Variants in CAST observed in about 807,000 individuals in gnomAD.
CAST encodes the protein calpastatin.
CAST carries 76 observed loss-of-function variants against 119.6 expected under a neutral mutation model. That is an observed-to-expected ratio of 0.64 (90% CI 0.53 to 0.77). The LOEUF (loss-of-function observed/expected upper bound fraction) is 0.77, where lower values mean the gene tolerates loss of function less well. Among genes scored for constraint, CAST ranks in the 30% least tolerant of loss-of-function variants. The pLI is 0.00. For missense variants in CAST, 953 were observed against 946.5 expected, an observed-to-expected ratio of 1.01 and a Z score of -0.09; for synonymous variants, 319 against 331.6, an observed-to-expected ratio of 0.96 and a Z score of 0.41.
chr5:96,458,664 G>C, the CAST span, among the ~76,000 whole-genome samples: 1 of 152,140 alleles, frequency 6.6e-6, no homozygotes, highest in East Asian at 1.9e-4. Flanking sequence ...CCAGGGTCCA[G>C]TTTTCTCCAT....
At chr5:96,587,895 G>A (rs186313248) in intron 1 of CAST, among the ~76,000 whole-genome samples, 1 of 152,064 alleles carries the variant, frequency 6.6e-6, no homozygotes, top group East Asian at 1.9e-4. Context: ...ATTAACTGTG[G>A]TCTTTCTTAA....
At chr5:96,005,369 C>A in the CAST span, among the ~76,000 whole-genome samples, 7 of 152,080 alleles carry the variant, frequency 4.6e-5, no homozygotes, top group Non-Finnish European at 1.5e-5. Context: ...TGGATGGATT[C>A]TCTGGTAACA....
intron 24 of CAST, chr5:96,761,416 A>G (rs772893931): frequency 6.6e-6 from 1 of 152,182 alleles, no homozygotes. Context: ...AATGGACAAT[A>G]AGTATCTTAT....
At chr5:96,292,417 C>T in the CAST span, among the ~76,000 whole-genome samples, 14 of 152,134 alleles carry the variant, frequency 9.2e-5, no homozygotes, top group African/African-American at 2.4e-4. Context: ...TAGTTCTCAA[C>T]GTTATCTGTT....
chr5:96,367,912 C>T, the CAST span, among the ~76,000 whole-genome samples: 5 of 152,042 alleles, frequency 3.3e-5, no homozygotes, highest in Non-Finnish European at 5.9e-5. Context: ...TCTTCTGCAT[C>T]GCTCATGCTG....
At chr5:96,741,183 A>G in intron 13 of CAST, 83 bp from the exon 14 acceptor site, 1 of 766,074 alleles carries the variant, frequency 1.3e-6, no homozygotes, top group South Asian at 1.5e-5. Flanking sequence ...GGAAAAGTGC[A>G]TTCTTCATTT....
At chr5:96,136,815 A>C in the CAST span, among the ~76,000 whole-genome samples, 1 of 152,152 alleles carries the variant, frequency 6.6e-6, no homozygotes, top group African/African-American at 2.4e-5. Context: ...TATATATATG[A>C]TATCAGAATT....
chr5:96,148,759 C>CA, the CAST span, among the ~76,000 whole-genome samples: 1 of 152,208 alleles, frequency 6.6e-6, no homozygotes, highest in African/African-American at 2.4e-5. Flanking sequence ...GTTATCTGAT[C>CA]CCTACCTGAG....
the CAST span, among the ~76,000 whole-genome samples, chr5:96,081,803 C>T: frequency 1.3e-5 from 2 of 152,194 alleles, no homozygotes; most frequent in Admixed American, 1.3e-4. Context: ...TATTAGAATT[C>T]TTAAAAATTT....
chr5:96,141,716 A>G, the CAST span, among the ~76,000 whole-genome samples: 1 of 152,192 alleles, frequency 6.6e-6, no homozygotes. Context: ...TGCTCTTCTG[A>G]GAAGTCCTAC....
intron 1 of CAST, among the ~76,000 whole-genome samples, chr5:96,646,566 A>C (rs950097635): frequency 1.3e-5 from 2 of 152,220 alleles, no homozygotes; most frequent in Admixed American, 1.3e-4. Context: ...TTCTTTATAT[A>C]AATTTTCTTC....
intron 1 of CAST, among the ~76,000 whole-genome samples, chr5:96,599,641 C>G (rs1318012538): frequency 6.6e-6 from 1 of 152,058 alleles, no homozygotes; most frequent in Non-Finnish European, 1.5e-5. Context: ...AACTTTAAGT[C>G]AGGTCATCTT....
the CAST span, among the ~76,000 whole-genome samples, chr5:96,372,696 C>T: frequency 8.5e-5 from 13 of 152,166 alleles, no homozygotes; most frequent in African/African-American, 3.1e-4. Flanking sequence ...CCCCACACAC[C>T]TTCCTGAGAA....
the CAST span, among the ~76,000 whole-genome samples, chr5:96,195,212 C>T: frequency 2.6e-5 from 4 of 152,192 alleles, no homozygotes; most frequent in Non-Finnish European, 4.4e-5. Context: ...TTACCCTCCT[C>T]CAGAAGAGCC....
At chr5:96,153,472 C>G in the CAST span, among the ~76,000 whole-genome samples, 4 of 152,092 alleles carry the variant, frequency 2.6e-5, no homozygotes, top group East Asian at 3.9e-4. Context: ...TGGAGCTTGA[C>G]GAGAGGAATG....
chr5:96,432,726 G>C, the CAST span: 6 of 699,694 alleles, frequency 8.6e-6, no homozygotes, highest in African/African-American at 1.1e-4. Flanking sequence ...ACAGGGGCGA[G>C]GGCTGGAGCA....
chr5:96,068,408 C>T, the CAST span, among the ~76,000 whole-genome samples: 3 of 152,020 alleles, frequency 2.0e-5, no homozygotes, highest in African/African-American at 4.8e-5. Context: ...TAGAACTTTA[C>T]CCTGACTCCT....
At chr5:96,166,726 A>G in the CAST span, among the ~76,000 whole-genome samples, 665 of 152,326 alleles carry the variant, frequency 4.4e-3, 1 homozygote, top group Middle Eastern at 0.01. Flanking sequence ...TAGCACACCC[A>G]AGAAGCTGGA....
chr5:96,673,758 T>C (rs1275073736), intron 1 of CAST, among the ~76,000 whole-genome samples: 4 of 152,234 alleles, frequency 2.6e-5, no homozygotes, highest in Non-Finnish European at 5.9e-5. Context: ...TCAATTGCCA[T>C]ATAGCCTTGA....
Sources: gnomAD v4.1 joint callset for allele counts (sites outside exome capture counted in the v4.1 genomes callset) on GRCh38, gnomAD v4.1.1 for gene constraint, MANE v1.5 for transcripts, NCBI Gene and HGNC (gene_info 2026-07-23, HGNC 2026-07-21) for gene names.